TMEM259: variants seen among roughly 807,000 people sequenced by gnomAD.
The protein encoded by TMEM259 is transmembrane protein 259, also known as membralin.
A neutral mutation model predicts 46.7 loss-of-function variants in TMEM259; 26 were observed. The ratio of observed to expected loss-of-function variants is 0.56; its 90% CI spans 0.41 to 0.77. The LOEUF (loss-of-function observed/expected upper bound fraction) is 0.77. Among genes scored for constraint, TMEM259 ranks in the 30% least tolerant of loss-of-function variants. The pLI, the probability that TMEM259 is intolerant of heterozygous loss-of-function variation, is 0.00. For synonymous variants in TMEM259, 494 were observed against 395.1 expected (o/e 1.25, Z -2.97); for missense variants, 930 against 900.5 (o/e 1.03, Z -0.42).
chr19:1,012,405 C>A, intron 4 of TMEM259, 58 bp downstream of exon 4: 1 of 1,532,904 alleles, frequency 6.5e-7, no homozygotes, highest in South Asian at 1.2e-5. Flanking sequence ...GGAGGAGACC[C>A]GAGGGAGGAG....
rs758150921 is a variant in TMEM259 at position 1,014,112 on chromosome 19, G to A, written c.507+80C>T. The A allele has an allele frequency of 3.4e-5, 50 of 1,492,474 alleles. No individual in the cohort carries two copies. The East Asian group carries it at 7.3e-4, about 22-fold the overall frequency. 92.5% of individuals were successfully genotyped at this position (1,492,474 alleles called of 1,614,324 possible). A position where few individuals can be genotyped will look rare whatever the true frequency, so the allele number is the denominator to read the frequency against. On this transcript the variant is annotated intron_variant, in intron 2 of 10. Transcript: ENST00000356663. ...AAGTCAAGAACCCCAACATCCTGTC[G>A]ATGTCAGGAACCGCCCCTTCAGCGA...
chr19:1,010,625 C>G lies in TMEM259; in HGVS notation c.1588G>C (p.Val530Leu). The part of the protein sequence containing the change: ...PSSLVAAAAS[V>L]AAAAGGDLGW... ...AGGTCACCACCGGCAGCTGCTGCCA[C>G]TGAGGCTGCCGCGGCCACCAGGGAG... is the stretch of plus-strand genomic sequence containing the variant. The change falls in exon 11 of 11, where the codon GTG becomes CTG. Residue 530 changes from valine to leucine, a missense_variant. Val to Leu is a conservative substitution (Grantham distance 32, BLOSUM62 1). Coordinates refer to ENST00000356663, the MANE Select transcript of TMEM259 (RefSeq NM_001033026.2). The G allele has an allele frequency of 6.5e-7, 1 of 1,546,912 alleles. No homozygotes were observed. The highest frequency in any genetic ancestry group is 8.7e-7 in the Non-Finnish European group (1 of 1,149,124).
At chr19:1,015,036 C>G (rs934556570) in intron 1 of TMEM259, among the ~76,000 whole-genome samples, 1 of 152,248 alleles carries the variant, frequency 6.6e-6, no homozygotes, top group African/African-American at 2.4e-5. Flanking sequence ...CTGCTGCTTC[C>G]TGCCTCACCT....
At position 1,020,855 on chromosome 19, in the gene TMEM259, G is replaced by T. The variant is rs1304053705; in HGVS notation, c.142C>A (p.Leu48Met). 9 of 1,369,424 alleles carry T rather than the reference G, an allele frequency of 6.6e-6. No homozygotes were observed. The highest frequency in any genetic ancestry group is 8.5e-6 in the Non-Finnish European group (9 of 1,055,198). The allele number at this position is 1,369,424 out of a possible 1,614,324, so 84.8% of individuals were successfully genotyped here. Reference protein sequence around the residue: ...INVRDRLFHALFFKMAVTYSR... With the variant: ...INVRDRLFHAMFFKMAVTYSR... ...TAGGTGACAGCCATCTTGAAGAACAGCGCGTGGAAGAGCCGGTCGCGCACG... is the reference window on the plus strand; with the variant it reads ...TAGGTGACAGCCATCTTGAAGAACATCGCGTGGAAGAGCCGGTCGCGCACG... Residue 48 changes from leucine (L) to methionine (M), a missense_variant, in exon 1 of 11, where the codon CTG (leucine) becomes ATG (methionine). Leu to Met is a conservative substitution (Grantham distance 15). Transcript: ENST00000356663. The surrounding 1 kb of genome is among the most constrained non-coding windows in gnomAD (Gnocchi z 4.0).
In TMEM259 at chr19:1,014,483, G is replaced by A. The variant is rs754276394; in HGVS notation, c.226-10C>T. On this transcript the variant is annotated splice_polypyrimidine_tract_variant and intron_variant, in intron 1 of 10. Coordinates refer to ENST00000356663, the MANE Select transcript of TMEM259 (RefSeq NM_001033026.2). ...AGAGCACAAACAGGGCCTAGGGGGC[G>A]GCCGGCAGTCAGTGGGGCGCCCCAG... 1.6e-5 allele frequency: 26 copies of A among 1,601,356 alleles called. No individual in the cohort carries two copies. The highest frequency in any genetic ancestry group is 2.2e-4 in the Middle Eastern group (1 of 4,484).
Position 1,012,208 on chromosome 19 carries a change from G to A in TMEM259, c.719-20C>T, listed in dbSNP as rs759115798. The A allele has an allele frequency of 6.3e-7, 1 of 1,585,290 alleles. No homozygotes were observed. Among genetic ancestry groups the A allele is most frequent in the Non-Finnish European group, 8.6e-7 (1 of 1,167,064 alleles). Reference sequence around the variant, plus strand: ...TGGGGTCTGCGGGTGGGTGAATCAGGGAGCCGGGAGCCCCGCCCAGGCCAC... The same window carrying A: ...TGGGGTCTGCGGGTGGGTGAATCAGAGAGCCGGGAGCCCCGCCCAGGCCAC... On this transcript the variant is annotated intron_variant, in intron 4 of 10. Transcript: ENST00000356663.
chr19:1,021,002 C>T lies in TMEM259; in HGVS notation c.-6G>A, dbSNP rs1217820785. On this transcript the variant is annotated 5_prime_UTR_variant, in exon 1 of 11. Coordinates refer to ENST00000356663, the MANE Select transcript of TMEM259 (RefSeq NM_001033026.2). ...GGCTCCACGTGCTCCGACATGCCTC[C>T]CAGCGTCGCGCCCTAACGACCCGCA... 1.5e-6 allele frequency: 2 copies of T among 1,360,604 alleles called. No individual in the cohort carries two copies. Among genetic ancestry groups the T allele is most frequent in the Non-Finnish European group, 9.6e-7 (1 of 1,045,898 alleles). The allele number at this position is 1,360,604 out of a possible 1,614,324, so 84.3% of individuals were successfully genotyped here.
In TMEM259 at chr19:1,011,488, T is replaced by G. The variant is rs770367367; in HGVS notation, c.1096A>C (p.Ile366Leu). The change falls in exon 9 of 11, where the codon ATC becomes CTC. Residue 366 changes from isoleucine to leucine, a missense_variant. Transcript: ENST00000356663. ...VILALVGMEA[I>L]MSEFFNDTTT... Reference sequence around the variant, plus strand: ...GTGTCGTTGAAGAACTCCGACATGATGGCCTCCATCCCTGCAGGGAGAGGC... The same window carrying G: ...GTGTCGTTGAAGAACTCCGACATGAGGGCCTCCATCCCTGCAGGGAGAGGC... 6.9e-7 allele frequency: 1 copy of G among 1,451,066 alleles called. No individual in the cohort carries two copies. The highest frequency in any genetic ancestry group is 2.1e-5 in the Admixed American group (1 of 47,858). The allele number at this position is 1,451,066 out of a possible 1,614,324, so 89.9% of individuals were successfully genotyped here. A position where few individuals can be genotyped will look rare whatever the true frequency, so the allele number is the denominator to read the frequency against.
rs1416505830 is a variant in TMEM259, at chr19:1,010,470, CTGGGGGGCG to C, written c.1734_1742del (p.His578_Pro580del). On this transcript the variant is annotated inframe_deletion, in exon 11 of 11. Coordinates refer to ENST00000356663, the MANE Select transcript of TMEM259 (RefSeq NM_001033026.2). ...CGGAGTCACTCGGGGGGACACTGTC[CTGGGGGGCG>C]TGGGGGAGGCCCCCAGCAGGGCCCA... 2 of 1,545,964 alleles carry C rather than the reference CTGGGGGGCG, an allele frequency of 1.3e-6. No homozygotes were observed. Among genetic ancestry groups the C allele is most frequent in the Admixed American group, 4.0e-5 (2 of 50,346 alleles).
rs1038084221 is a variant in TMEM259 at position 1,021,095 on chromosome 19, C to G, written c.-99G>C. 10 of 1,178,108 alleles carry G rather than the reference C, an allele frequency of 8.5e-6. No homozygotes were observed. The highest frequency in any genetic ancestry group is 1.1e-5 in the Non-Finnish European group (10 of 936,158). 73.0% of individuals were successfully genotyped at this position (1,178,108 alleles called of 1,614,324 possible). A position where few individuals can be genotyped will look rare whatever the true frequency, so the allele number is the denominator to read the frequency against. On this transcript the variant is annotated 5_prime_UTR_variant, in exon 1 of 11. Coordinates refer to ENST00000356663, the MANE Select transcript of TMEM259 (RefSeq NM_001033026.2). ...AGCCGCCGCTCTCCTCACGGCCTCC[C>G]GGCCGCCGCCGCCATCTTCCGCTTT...
intron 1 of TMEM259, among the ~76,000 whole-genome samples, chr19:1,017,040 G>A: frequency 6.6e-6 from 1 of 152,108 alleles, no homozygotes; most frequent in Non-Finnish European, 1.5e-5. Flanking sequence ...CCAGAAAAAT[G>A]CCCCACTGGA....
Position 1,014,267 on chromosome 19 carries a change from T to C in TMEM259, c.432A>G (p.Pro144=). Residue 144 remains proline, a synonymous_variant, in exon 2 of 11, where the codon CCA becomes CCG. Coordinates refer to ENST00000356663, the MANE Select transcript of TMEM259 (RefSeq NM_001033026.2). ...CATCTTCCATGTCCAGGTTGCTGCC[T>C]GGTTCCACGGCCAGGCCCGGGAAGC... ...RGSFPGLAVE[P]GSNLDMEDEE... The C allele has an allele frequency of 6.2e-7, 1 of 1,613,164 alleles. No homozygotes were observed. Among genetic ancestry groups the C allele is most frequent in the South Asian group, 1.1e-5 (1 of 91,076 alleles).
At chr19:1,019,495 G>T (rs1051224942) in intron 1 of TMEM259, among the ~76,000 whole-genome samples, 3 of 152,240 alleles carry the variant, frequency 2.0e-5, no homozygotes, top group Non-Finnish European at 4.4e-5. Flanking sequence ...CCACTCTGGG[G>T]GGCTGCAGGG....
In TMEM259 at chr19:1,014,324, G is replaced by A. The variant is rs753559807; in HGVS notation, c.375C>T (p.Phe125=). ...GGCCGCCGCTGTCACAGAACTGTAG[G>A]AAGACGGGCGCGCGGCTCGAGTTGT... ...VRHNSSRAPV[F]LQFCDSGGRG... is the part of the protein sequence containing the mutation. Residue 125 remains phenylalanine (F), a synonymous_variant, in exon 2 of 11, where the codon TTC becomes TTT. Transcript: ENST00000356663. 3.2e-5 allele frequency: 52 copies of A among 1,613,124 alleles called. No homozygotes were observed. The highest frequency in any genetic ancestry group is 1.7e-4 in the Middle Eastern group (1 of 6,058).
Position 1,011,414 on chromosome 19 carries a change from A to C in TMEM259, c.1170T>G (p.Tyr390Ter). 1 of 1,561,906 alleles carries C rather than the reference A, an allele frequency of 6.4e-7. No homozygotes were observed. The highest frequency in any genetic ancestry group is 2.1e-4 in the Middle Eastern group (1 of 4,792). ...IILIVWLADQ[Y>*]DAICCHTSTS... ...TGCTGGTGTGGCAGCAGATGGCGTC[A>C]TACTGGTCCGCGAGCCACACGATGA... The change falls in exon 9 of 11, where the codon TAT (tyrosine) becomes TAG (stop). Residue 390 changes from tyrosine (Y) to a stop codon, truncating the protein, a stop_gained. Coordinates refer to ENST00000356663, the MANE Select transcript of TMEM259 (RefSeq NM_001033026.2). LOFTEE classifies it high-confidence loss of function.
chr19:1,015,724 C>G (rs1170947153), intron 1 of TMEM259, among the ~76,000 whole-genome samples: 1 of 152,186 alleles, frequency 6.6e-6, no homozygotes, highest in East Asian at 1.9e-4. Flanking sequence ...AGGGCCCCTC[C>G]GTGACCCGTG....
At position 1,010,641 on chromosome 19, in the gene TMEM259, C is replaced by G. The variant is rs531446822; in HGVS notation, c.1572G>C (p.Val524=). 3 of 1,542,720 alleles carry G rather than the reference C, an allele frequency of 1.9e-6. No homozygotes were observed. Among genetic ancestry groups the G allele is most frequent in the Non-Finnish European group, 2.6e-6 (3 of 1,148,282 alleles). ...CTGCTGCCACTGAGGCTGCCGCGGC[C>G]ACCAGGGAGCTGGGCGCCGCTGCCA... ...GPVAAAPSSL[V]AAAASVAAAA... Residue 524 remains valine, a synonymous_variant, in exon 11 of 11, where the codon GTG becomes GTC. Coordinates refer to ENST00000356663, the MANE Select transcript of TMEM259 (RefSeq NM_001033026.2).
At chr19:1,017,812 G>A (rs2039160630) in intron 1 of TMEM259, among the ~76,000 whole-genome samples, 1 of 152,140 alleles carries the variant, frequency 6.6e-6, no homozygotes, top group Non-Finnish European at 1.5e-5. Context: ...TCTCCTCCCA[G>A]GTGGGACACA....
chr19:1,014,139 C>A, intron 2 of TMEM259, 53 bp downstream of exon 2: 3 of 1,567,482 alleles, frequency 1.9e-6, no homozygotes, highest in Admixed American at 1.8e-5. Flanking sequence ...CTTCAGCGAC[C>A]AGCATCTACG....
Sources: allele counts gnomAD v4.1 joint callset (sites outside exome capture counted in the v4.1 genomes callset), GRCh38; gene constraint gnomAD v4.1.1; non-coding constraint Gnocchi (gnomAD v3.1); transcripts MANE v1.5; gene names NCBI Gene and HGNC (gene_info 2026-07-23, HGNC 2026-07-21).